The following BAG4 variants were observed in gnomAD, a reference collection of about 807,000 sequenced individuals.
The protein encoded by BAG4 is BAG cochaperone 4.
A neutral mutation model predicts 52.1 loss-of-function variants in BAG4; 28 were observed. The ratio of observed to expected loss-of-function variants is 0.54; its 90% confidence interval spans 0.40 to 0.74. The LOEUF is 0.74. Ranked by LOEUF, BAG4 falls within the 30% of genes least tolerant of loss-of-function variation. The probability of loss-of-function intolerance (pLI) is 0.00; values close to 1 mark genes in which losing one functional copy is unlikely to be tolerated. For missense variants in BAG4, 525 were observed against 572.0 expected, an observed-to-expected ratio of 0.92 and a Z score of 0.84; for synonymous variants, 208 against 217.0, an observed-to-expected ratio of 0.96 and a Z score of 0.37.
intron 2 of BAG4, among the ~76,000 whole-genome samples, chr8:38,205,501 C>T (rs1316717154): frequency 1.3e-5 from 2 of 152,066 alleles, no homozygotes; most frequent in East Asian, 3.9e-4. Flanking sequence ...ATGTCTATAA[C>T]TTTTTCTCTA....
rs1430514115 is a variant in BAG4 at position 38,212,030 on chromosome 8, G to T, written c.*1537G>T. On this transcript the variant is annotated 3_prime_UTR_variant, in exon 5 of 5. Transcript: ENST00000287322. ...AACCAAACCAATACAAACAGATGAG[G>T]AGAGGAAATGTAGTAAAAATACTGG... 1.3e-5 allele frequency: 2 copies of T among 152,092 alleles called. No individual in the cohort carries two copies. The highest frequency in any genetic ancestry group is 4.8e-5 in the African/African-American group (2 of 41,434). 9.4% of individuals were successfully genotyped at this position (152,092 alleles called of 1,614,324 possible).
At chr8:38,205,386 T>G (rs1425198595) in intron 2 of BAG4, among the ~76,000 whole-genome samples, 1 of 152,020 alleles carries the variant, frequency 6.6e-6, no homozygotes, top group Non-Finnish European at 1.5e-5. Context: ...AATACAATTT[T>G]TTCAATGAAT....
chr8:38,204,770 A>G (rs1008570232), intron 2 of BAG4, among the ~76,000 whole-genome samples: 2 of 152,164 alleles, frequency 1.3e-5, no homozygotes, highest in Admixed American at 6.6e-5. Context: ...ATTGGTTTCA[A>G]TGGGTTATCA....
At chr8:38,186,136 T>C (rs1320221056) in intron 1 of BAG4, among the ~76,000 whole-genome samples, 1 of 152,106 alleles carries the variant, frequency 6.6e-6, no homozygotes, top group African/African-American at 2.4e-5. Flanking sequence ...TTCTAGGTAA[T>C]TGTGGCTGAG....
In BAG4 at chr8:38,176,868, C is replaced by T. The variant is rs1290086728; in HGVS notation, c.-2C>T. On this transcript the variant is annotated 5_prime_UTR_variant, in exon 1 of 5. Coordinates refer to ENST00000287322, the MANE Select transcript of BAG4 (RefSeq NM_004874.4). ...GGGAAGCGCTTCAGGGCAGCGGATC[C>T]CATGTCGGCCCTGAGGCGCTCGGGC... 2 of 1,505,532 alleles carry T rather than the reference C, an allele frequency of 1.3e-6. No homozygotes were observed. Among genetic ancestry groups the T allele is most frequent in the Non-Finnish European group, 1.8e-6 (2 of 1,125,186 alleles). 93.3% of individuals were successfully genotyped at this position (1,505,532 alleles called of 1,614,324 possible). A position where few individuals can be genotyped will look rare whatever the true frequency, so the allele number is the denominator to read the frequency against.
rs555113530 is a variant in BAG4 at position 38,205,984 on chromosome 8, T to C, written c.379-1528T>C. Among the ~76,000 whole-genome samples the C allele has an allele frequency of 2.6e-5, 4 of 151,568 alleles. No individual in the cohort carries two copies. In the South Asian group the frequency reaches 8.4e-4, roughly 32 times the overall value. ...ATTCCTGAGGCTGGTCTGTAACTCC[T>C]GAGCTCAAGTGATCCTCCCTCCTAG... is the stretch of plus-strand genomic sequence containing the variant. On this transcript the variant is annotated intron_variant, in intron 2 of 4. Transcript: ENST00000287322.
chr8:38,184,005 C>T (rs1803319773), intron 1 of BAG4, among the ~76,000 whole-genome samples: 1 of 152,146 alleles, frequency 6.6e-6, no homozygotes, highest in Non-Finnish European at 1.5e-5. Flanking sequence ...AAAACAGAAA[C>T]CACACTAGTT....
intron 2 of BAG4, among the ~76,000 whole-genome samples, chr8:38,194,167 C>T (rs570383412): frequency 3.9e-5 from 6 of 151,924 alleles, no homozygotes; most frequent in African/African-American, 4.8e-5. Flanking sequence ...CCATCGTGCT[C>T]GGCCTGAAGT....
At chr8:38,196,456 A>G (rs1240940722) in intron 2 of BAG4, among the ~76,000 whole-genome samples, 1 of 151,676 alleles carries the variant, frequency 6.6e-6, no homozygotes, top group East Asian at 2.0e-4. Flanking sequence ...GATTGAGACC[A>G]TCCTGGCTAA....
intron 1 of BAG4, among the ~76,000 whole-genome samples, chr8:38,179,226 C>T (rs962645802): frequency 6.6e-6 from 1 of 152,068 alleles, no homozygotes; most frequent in Non-Finnish European, 1.5e-5. Flanking sequence ...GTGGCGCAAT[C>T]TCAGCTCACT....
In BAG4 at chr8:38,211,010, A is replaced by C. The variant is rs1803858878; in HGVS notation, c.*517A>C. On this transcript the variant is annotated 3_prime_UTR_variant, in exon 5 of 5. Coordinates refer to ENST00000287322, the MANE Select transcript of BAG4 (RefSeq NM_004874.4). ...GTTATTTGCAGTTTACAAATATAGT[A>C]TTATTCTCTACTTCTTGGTACATTT... 1 of 153,166 alleles carries C rather than the reference A, an allele frequency of 6.5e-6. No individual in the cohort carries two copies. The highest frequency in any genetic ancestry group is 6.5e-5 in the Admixed American group (1 of 15,306). The allele number at this position is 153,166 out of a possible 1,614,324, so 9.5% of individuals were successfully genotyped here.
chr8:38,177,662 T>TA (rs1803187782), intron 1 of BAG4, among the ~76,000 whole-genome samples: 1 of 152,238 alleles, frequency 6.6e-6, no homozygotes, highest in Admixed American at 6.5e-5. Context: ...AAAGTACCTT[T>TA]ACGCGGATTG....
intron 1 of BAG4, among the ~76,000 whole-genome samples, chr8:38,190,982 T>G (rs1803465326): frequency 1.3e-5 from 2 of 152,228 alleles, no homozygotes; most frequent in South Asian, 4.2e-4. Flanking sequence ...GGTCTCGAAC[T>G]CCTGACCTCA....
chr8:38,206,495 CA>C (rs1360918195), intron 2 of BAG4, among the ~76,000 whole-genome samples: 2 of 151,950 alleles, frequency 1.3e-5, no homozygotes, highest in African/African-American at 4.8e-5. Flanking sequence ...TGGTGTAATA[CA>C]AAGAACTGGA....
intron 1 of BAG4, among the ~76,000 whole-genome samples, chr8:38,183,529 G>A (rs1030101762): frequency 6.6e-6 from 1 of 152,042 alleles, no homozygotes; most frequent in Non-Finnish European, 1.5e-5. Context: ...TCAGACAGAC[G>A]GAAAGCATAA....
intron 2 of BAG4, among the ~76,000 whole-genome samples, chr8:38,206,333 G>C (rs2130690161): frequency 6.6e-6 from 1 of 151,596 alleles, no homozygotes; most frequent in Non-Finnish European, 1.5e-5. Context: ...GGGATTACAG[G>C]CATGAGCCTG....
chr8:38,207,801 A>G (rs1287703626), intron 3 of BAG4, 35 bp downstream of exon 3: 21 of 1,610,182 alleles, frequency 1.3e-5, no homozygotes, highest in Non-Finnish European at 1.6e-5. Flanking sequence ...AAATGAATTC[A>G]AAGTCTCTGC....
rs140937727 is a variant in BAG4, at chr8:38,184,199, G to T, written c.270+7060G>T. On this transcript the variant is annotated intron_variant, in intron 1 of 4. Transcript: ENST00000287322. ...CTTGGAAGAATGGCCGGGCGCAGTG[G>T]CTCACGCTTGTAATCCTAGCACTTT... is the stretch of plus-strand genomic sequence containing the variant. Among the ~76,000 whole-genome samples the T allele has an allele frequency of 7.3e-3, 1,105 of 152,304 alleles. 16 individuals carry two copies. The highest frequency in any genetic ancestry group is 0.025 in the African/African-American group (1,049 of 41,554).
chr8:38,183,992 A>G (rs1483071106), intron 1 of BAG4, among the ~76,000 whole-genome samples: 1 of 152,244 alleles, frequency 6.6e-6, no homozygotes, highest in African/African-American at 2.4e-5. Context: ...GGATCTGAGC[A>G]GGAAAACAGA....
Sources: gnomAD v4.1 joint callset for allele counts (sites outside exome capture counted in the v4.1 genomes callset) on GRCh38, gnomAD v4.1.1 for gene constraint, MANE v1.5 for transcripts, NCBI Gene and HGNC (gene_info 2026-07-23, HGNC 2026-07-21) for gene names.